USP25: variants seen among roughly 807,000 people sequenced by gnomAD.
USP25 encodes ubiquitin specific peptidase 25.
In USP25, 85 loss-of-function variants were observed where a neutral mutation model predicts 158.5. That is an observed-to-expected ratio of 0.54 (90% confidence interval 0.45 to 0.64). USP25 has a LOEUF of 0.64. Among genes scored for constraint, USP25 ranks in the 30% least tolerant of loss-of-function variants. USP25 has a pLI of 0.00. For missense variants in USP25, 1,242 were observed against 1,327.3 expected, an observed-to-expected ratio of 0.94 and a Z score of 1.00; for synonymous variants, 464 against 460.4, an observed-to-expected ratio of 1.01 and a Z score of -0.10.
intron 7 of USP25, among the ~76,000 whole-genome samples, chr21:15,807,549 C>T (rs1217972596): frequency 6.6e-6 from 1 of 152,208 alleles, no homozygotes; most frequent in Non-Finnish European, 1.5e-5. Context: ...GGCCACACTT[C>T]CTCCATTGGC....
In USP25 at chr21:15,799,112, C is replaced by A. The variant is rs184785969; in HGVS notation, c.556-645C>A. Among the ~76,000 whole-genome samples the A allele has an allele frequency of 2.5e-3, 376 of 151,242 alleles. 1 individual carries two copies. The highest frequency in any genetic ancestry group is 3.7e-3 in the Non-Finnish European group (248 of 67,352). ...TGATATTTTCCATTGTATTTTATCTCATTTTAAAGAAATGTTCAGTATGAT... is the reference window on the plus strand; with the variant it reads ...TGATATTTTCCATTGTATTTTATCTAATTTTAAAGAAATGTTCAGTATGAT... On this transcript the variant is annotated intron_variant, in intron 5 of 25. Transcript: ENST00000400183.
intron 20 of USP25, among the ~76,000 whole-genome samples, chr21:15,855,971 A>G (rs2039117181): frequency 6.6e-6 from 1 of 152,158 alleles, no homozygotes; most frequent in Non-Finnish European, 1.5e-5. Context: ...AGCTTCATCC[A>G]TGTTATACAG....
Position 15,870,095 on chromosome 21 carries a change from A to G in USP25, c.2833A>G (p.Arg945Gly), listed in dbSNP as rs1277668558. ...EEWHQDYRKF[R>G]ETTMYLIIGL... is the part of the protein sequence containing the mutation. ...GTGGCATCAGGATTATAGGAAATTC[A>G]GGGAAACAACTATGTATCTCATAAT... is the stretch of plus-strand genomic sequence containing the variant. Residue 945 changes from arginine (R) to glycine (G), a missense_variant, in exon 23 of 26, where the codon AGG becomes GGG. By Grantham distance (125) the Arg-to-Gly change is moderately radical (BLOSUM62 -2). This residue lies in a region of USP25 where 608 missense variants were observed against 605.2 expected (regional missense o/e 1.00). Transcript: ENST00000400183. 2 of 1,609,956 alleles carry G rather than the reference A, an allele frequency of 1.2e-6. No individual in the cohort carries two copies. Among genetic ancestry groups the G allele is most frequent in the Admixed American group, 1.7e-5 (1 of 59,468 alleles).
intron 5 of USP25, 48 bp downstream of exon 5, chr21:15,791,712 A>G (rs912793805): frequency 1.4e-5 from 21 of 1,545,956 alleles, no homozygotes; most frequent in Non-Finnish European, 1.7e-5. Context: ...TGTGATAGCA[A>G]TGGAAAGTGA....
chr21:15,790,789 A>G (rs1246946432), intron 4 of USP25, among the ~76,000 whole-genome samples: 2 of 152,030 alleles, frequency 1.3e-5, no homozygotes, highest in East Asian at 3.9e-4. Context: ...CTCAGGAGCA[A>G]GAAACATCAT....
chr21:15,777,118 A>G (rs1045017335), intron 3 of USP25, among the ~76,000 whole-genome samples: 2 of 152,218 alleles, frequency 1.3e-5, no homozygotes, highest in African/African-American at 4.8e-5. Flanking sequence ...TTTTTATTGA[A>G]GGCGGTATTA....
chr21:15,819,234 G>A (rs1051233346), intron 10 of USP25, among the ~76,000 whole-genome samples: 1 of 152,140 alleles, frequency 6.6e-6, no homozygotes, highest in East Asian at 1.9e-4. Flanking sequence ...ATTTGTCCAC[G>A]ATGCCCAGAT....
At chr21:15,740,401 T>G (rs1378794774) in intron 1 of USP25, among the ~76,000 whole-genome samples, 1 of 151,964 alleles carries the variant, frequency 6.6e-6, no homozygotes, top group Admixed American at 6.6e-5. Context: ...CGGACATTGT[T>G]TTTTTTTGTT....
chr21:15,858,140 GTAA>G (rs1383228343), intron 20 of USP25, among the ~76,000 whole-genome samples: 7 of 152,116 alleles, frequency 4.6e-5, no homozygotes, highest in African/African-American at 1.7e-4. Flanking sequence ...AGAACACTTA[GTAA>G]TTTTTGTTCT....
At position 15,846,154 on chromosome 21, in the gene USP25, A is replaced by ATTT. The variant is rs1568882763; in HGVS notation, c.2338-1508_2338-1507insTTT. ...TATATATATATATATATATATATAT[A>ATTT]TATATTTTTTTTTTTTTTTTTTTTT... On this transcript the variant is annotated intron_variant, in intron 18 of 25. Coordinates refer to ENST00000400183, the MANE Select transcript of USP25 (RefSeq NM_001283041.3). Among the ~76,000 whole-genome samples, 12 of 43,520 alleles carry ATTT rather than the reference A, an allele frequency of 2.8e-4. 1 individual carries two copies. Among genetic ancestry groups the ATTT allele is most frequent in the African/African-American group, 9.3e-4 (4 of 4,318 alleles). 28.6% of individuals were successfully genotyped at this position (43,520 alleles called of 152,430 possible).
At position 15,823,941 on chromosome 21, in the gene USP25, C is replaced by G. The variant is rs894964829; in HGVS notation, c.1081-98C>G. 3 of 1,205,480 alleles carry G rather than the reference C, an allele frequency of 2.5e-6. No individual in the cohort carries two copies. The South Asian group carries it at 4.4e-5, about 18-fold the overall frequency. 74.7% of individuals were successfully genotyped at this position (1,205,480 alleles called of 1,614,324 possible). A position where few individuals can be genotyped will look rare whatever the true frequency, so the allele number is the denominator to read the frequency against. On this transcript the variant is annotated intron_variant, in intron 10 of 25. Coordinates refer to ENST00000400183, the MANE Select transcript of USP25 (RefSeq NM_001283041.3). ...TTGTCAGGTCCGCATTGTGGTGATACATATAACAATGTCAGTGCCCACATC... is the reference window on the plus strand; with the variant it reads ...TTGTCAGGTCCGCATTGTGGTGATAGATATAACAATGTCAGTGCCCACATC...
chr21:15,800,994 A>G (rs936677442), intron 6 of USP25, among the ~76,000 whole-genome samples: 3 of 151,496 alleles, frequency 2.0e-5, no homozygotes, highest in African/African-American at 7.3e-5. Context: ...AGAAAAATTA[A>G]GGAAAACCCT....
At chr21:15,808,440 G>C (rs2036497851) in intron 7 of USP25, among the ~76,000 whole-genome samples, 2 of 152,270 alleles carry the variant, frequency 1.3e-5, no homozygotes, top group East Asian at 1.9e-4. Context: ...ACGAAGAACT[G>C]TTTGCTAAGA....
intron 20 of USP25, 152 bp from the exon 21 acceptor site, chr21:15,864,116 G>A (rs1194505009): frequency 1.7e-6 from 1 of 601,682 alleles, no homozygotes; most frequent in Non-Finnish European, 2.6e-6. Flanking sequence ...ACATGGGACT[G>A]TGTTCTTAGT....
At chr21:15,730,999 T>TTTC (rs1568734368) in intron 1 of USP25, among the ~76,000 whole-genome samples, 11 of 143,908 alleles carry the variant, frequency 7.6e-5, no homozygotes, top group African/African-American at 3.0e-4. Context: ...TTTTTTTTTT[T>TTTC]TTCAATATAG....
chr21:15,833,896 A>G (rs1568867371), intron 17 of USP25, among the ~76,000 whole-genome samples: 1 of 151,956 alleles, frequency 6.6e-6, no homozygotes, highest in African/African-American at 2.4e-5. Flanking sequence ...AAGAGTATCA[A>G]TTCAATAAAG....
chr21:15,763,514 A>G lies in USP25; in HGVS notation c.123+546A>G, dbSNP rs573850399. On this transcript the variant is annotated intron_variant, in intron 2 of 25. Coordinates refer to ENST00000400183, the MANE Select transcript of USP25 (RefSeq NM_001283041.3). ...TTGGTCATATCTTAGTTGGACCTTC[A>G]GTTTCACATCGACATCCAAATGAGT... Among the ~76,000 whole-genome samples the G allele has an allele frequency of 3.3e-5, 5 of 152,282 alleles. No individual in the cohort carries two copies. The South Asian group carries it at 1.0e-3, about 32-fold the overall frequency.
At chr21:15,760,351 C>T (rs1382753257) in intron 1 of USP25, among the ~76,000 whole-genome samples, 1 of 152,184 alleles carries the variant, frequency 6.6e-6, no homozygotes, top group Admixed American at 6.5e-5. Flanking sequence ...CAGTGACAAA[C>T]ATTCTGATGC....
intron 20 of USP25, among the ~76,000 whole-genome samples, chr21:15,862,986 A>G (rs1336376632): frequency 6.6e-6 from 1 of 152,042 alleles, no homozygotes; most frequent in Non-Finnish European, 1.5e-5. Flanking sequence ...TAAGAAAGGC[A>G]TGCATTTTTT....
Sources: allele counts gnomAD v4.1 joint callset (sites outside exome capture counted in the v4.1 genomes callset), GRCh38; gene constraint gnomAD v4.1.1; regional missense constraint gnomAD v4.1.1; transcripts MANE v1.5; gene names NCBI Gene and HGNC (gene_info 2026-07-23, HGNC 2026-07-21).